The following ROBO1 variants were observed in gnomAD, a reference collection of about 807,000 sequenced individuals.
ROBO1 encodes roundabout guidance receptor 1, also known as roundabout homolog 1.
Under a neutral mutation model 195.9 loss-of-function variants are expected in ROBO1, and 149 were observed. That is an observed-to-expected ratio of 0.76 (90% CI 0.67 to 0.87). The LOEUF (loss-of-function observed/expected upper bound fraction) is 0.87, where lower values mean the gene tolerates loss of function less well. Ranked by LOEUF, ROBO1 falls within the 40% of genes least tolerant of loss-of-function variation. The pLI is 0.00. For missense variants in ROBO1, 1,933 were observed against 2,068.3 expected, an observed-to-expected ratio of 0.93 and a Z score of 1.27; for synonymous variants, 816 against 733.2, an observed-to-expected ratio of 1.11 and a Z score of -1.82.
chr3:79,368,329 A>T (rs1008741034), intron 2 of ROBO1, among the ~76,000 whole-genome samples: 2 of 152,134 alleles, frequency 1.3e-5, no homozygotes, highest in African/African-American at 4.8e-5. Context: ...TGTTTAGATC[A>T]CAAGAGAGAC....
chr3:79,671,516 T>G (rs560881392), intron 1 of ROBO1, among the ~76,000 whole-genome samples: 1 of 151,926 alleles, frequency 6.6e-6, no homozygotes, highest in African/African-American at 2.4e-5. Context: ...AAATAGTGTA[T>G]ACTGTATATA....
intron 5 of ROBO1, among the ~76,000 whole-genome samples, chr3:78,743,749 G>A (rs1559807517): frequency 6.6e-6 from 1 of 152,240 alleles, no homozygotes; most frequent in East Asian, 1.9e-4. Context: ...CCACGTTGCA[G>A]TTGCACTACC....
intron 28 of ROBO1, among the ~76,000 whole-genome samples, chr3:78,611,266 G>A (rs1462543727): frequency 6.6e-6 from 1 of 152,144 alleles, no homozygotes; most frequent in Non-Finnish European, 1.5e-5. Context: ...ATTCCAAAGA[G>A]GGTGGTGAAT....
chr3:79,304,769 T>C (rs2033142603), intron 2 of ROBO1, among the ~76,000 whole-genome samples: 1 of 152,242 alleles, frequency 6.6e-6, no homozygotes, highest in African/African-American at 2.4e-5. Flanking sequence ...AGATTTGCAT[T>C]ATTATAATTA....
chr3:78,599,162 G>A (rs1199298158), intron 30 of ROBO1, among the ~76,000 whole-genome samples: 1 of 152,104 alleles, frequency 6.6e-6, no homozygotes, highest in Non-Finnish European at 1.5e-5. Context: ...TGCGTGGTGG[G>A]ACACAGGGCT....
intron 4 of ROBO1, among the ~76,000 whole-genome samples, chr3:78,934,149 GAAGTA>G: frequency 6.6e-6 from 1 of 151,990 alleles, no homozygotes; most frequent in East Asian, 1.9e-4. Flanking sequence ...AACCATAATG[GAAGTA>G]AAGAGAAAAA....
At chr3:79,319,074 A>G (rs748869328) in intron 2 of ROBO1, among the ~76,000 whole-genome samples, 9 of 152,200 alleles carry the variant, frequency 5.9e-5, no homozygotes, top group Non-Finnish European at 8.8e-5. Flanking sequence ...TATCTCCTGA[A>G]TAATGTACAT....
At chr3:78,729,898 T>C (rs1303485042) in intron 5 of ROBO1, among the ~76,000 whole-genome samples, 1 of 152,234 alleles carries the variant, frequency 6.6e-6, no homozygotes, top group African/African-American at 2.4e-5. Context: ...ACAGGTCTCA[T>C]GAAACAGTGT....
At chr3:78,736,563 T>C (rs544188727) in intron 5 of ROBO1, among the ~76,000 whole-genome samples, 15 of 152,244 alleles carry the variant, frequency 9.9e-5, no homozygotes, top group African/African-American at 3.4e-4. Context: ...GAAAACCACA[T>C]GCCAAGACTC....
At chr3:79,712,150 A>G (rs1702303342) in intron 1 of ROBO1, among the ~76,000 whole-genome samples, 1 of 152,260 alleles carries the variant, frequency 6.6e-6, no homozygotes, top group South Asian at 2.1e-4. Context: ...AGAGTTGCAT[A>G]TCTCCCATTT....
In ROBO1 at chr3:79,610,215, T is replaced by C. The variant is rs371630306; in HGVS notation, c.-50-20254A>G. Among the ~76,000 whole-genome samples, 12 of 152,060 alleles carry C rather than the reference T, an allele frequency of 7.9e-5. No homozygotes were observed. In the East Asian group the frequency reaches 2.3e-3, roughly 30 times the overall value. ...AGTGGATGCGCAAAACCATGGATAG[T>C]ACTGAACCTTAAATATGCTGTTTTT... On this transcript the variant is annotated intron_variant, in intron 1 of 30. Transcript: ENST00000464233.
At chr3:78,704,866 A>G (rs1345882514) in intron 8 of ROBO1, among the ~76,000 whole-genome samples, 1 of 152,136 alleles carries the variant, frequency 6.6e-6, no homozygotes, top group African/African-American at 2.4e-5. Flanking sequence ...ACATTCACAC[A>G]GTATGTTACA....
At chr3:78,823,880 G>A (rs1038086387) in intron 4 of ROBO1, among the ~76,000 whole-genome samples, 9 of 152,154 alleles carry the variant, frequency 5.9e-5, no homozygotes, top group African/African-American at 1.9e-4. Context: ...GTCACTGTGT[G>A]TGTGTGTGTG....
intron 2 of ROBO1, among the ~76,000 whole-genome samples, chr3:79,379,785 A>G (rs912594845): frequency 1.3e-5 from 2 of 152,204 alleles, no homozygotes; most frequent in African/African-American, 4.8e-5. Flanking sequence ...CCACCAGGCG[A>G]CAAAAATCAG....
chr3:78,720,968 G>A (rs1350448036), intron 5 of ROBO1, among the ~76,000 whole-genome samples: 2 of 151,548 alleles, frequency 1.3e-5, no homozygotes, highest in African/African-American at 2.4e-5. Flanking sequence ...GGGCGGTGGA[G>A]GCATAGCATT....
intron 2 of ROBO1, among the ~76,000 whole-genome samples, chr3:79,152,034 G>A (rs1434535898): frequency 2.0e-5 from 3 of 151,672 alleles, no homozygotes; most frequent in Admixed American, 6.6e-5. Context: ...TACATATTAA[G>A]TGATGTCTCC....
chr3:79,073,819 G>A (rs2079127564), intron 3 of ROBO1, among the ~76,000 whole-genome samples: 1 of 151,526 alleles, frequency 6.6e-6, no homozygotes, highest in South Asian at 2.1e-4. Context: ...GAATGTGACA[G>A]TATGTTTGCT....
chr3:79,041,259 T>G (rs2078483001), intron 3 of ROBO1, among the ~76,000 whole-genome samples: 1 of 152,200 alleles, frequency 6.6e-6, no homozygotes, highest in African/African-American at 2.4e-5. Context: ...TTTTTTATTT[T>G]TCTGTTACTT....
At chr3:79,235,603 T>A (rs2082393498) in intron 2 of ROBO1, among the ~76,000 whole-genome samples, 1 of 152,172 alleles carries the variant, frequency 6.6e-6, no homozygotes, top group South Asian at 2.1e-4. Context: ...TCCTCCATAT[T>A]TATAGCTTCC....
Sources: allele counts gnomAD v4.1 joint callset (sites outside exome capture counted in the v4.1 genomes callset), GRCh38; gene constraint gnomAD v4.1.1; transcripts MANE v1.5; gene names NCBI Gene and HGNC (gene_info 2026-07-23, HGNC 2026-07-21).